PASK: variants seen among roughly 807,000 people sequenced by gnomAD.
PASK encodes the protein PAS domain-containing serine/threonine-protein kinase.
In PASK, 110 loss-of-function variants were observed where a neutral mutation model predicts 121.0. That is an observed-to-expected ratio of 0.91 (90% confidence interval 0.78 to 1.06). The LOEUF is 1.06. Among genes scored for constraint, PASK ranks in the 50% least tolerant of loss-of-function variants. PASK has a pLI of 0.00. For synonymous variants in PASK, 686 were observed against 717.8 expected (o/e 0.96, Z 0.71); for missense variants, 1,643 against 1,702.3 (o/e 0.97, Z 0.61).
At chr2:241,142,136 A>C (rs1203876355) in intron 2 of PASK, among the ~76,000 whole-genome samples, 1 of 151,860 alleles carries the variant, frequency 6.6e-6, no homozygotes, top group African/African-American at 2.4e-5. Flanking sequence ...ACACCCTCAG[A>C]CACTCCAGTG....
intron 12 of PASK, among the ~76,000 whole-genome samples, chr2:241,122,336 G>C (rs2065649168): frequency 6.6e-6 from 1 of 152,202 alleles, no homozygotes; most frequent in Non-Finnish European, 1.5e-5. Flanking sequence ...CAGGTTATTT[G>C]AAAAGATTAA....
At chr2:241,134,719 C>G (rs559227997) in intron 8 of PASK, 18 of 152,456 alleles carry the variant, frequency 1.2e-4, no homozygotes, top group African/African-American at 4.1e-4. Flanking sequence ...TGCAGAGCCC[C>G]GAGGTGGCTG....
intron 12 of PASK, among the ~76,000 whole-genome samples, chr2:241,120,289 T>G (rs1438352389): frequency 6.6e-6 from 1 of 152,096 alleles, no homozygotes; most frequent in Non-Finnish European, 1.5e-5. Context: ...GGTCAGGAGT[T>G]CGAGACCAGC....
At chr2:241,150,301 C>T (rs1045095717), upstream of PASK, 7 of 1,321,758 alleles carry the variant, frequency 5.3e-6, no homozygotes, top group Middle Eastern at 1.2e-3. Flanking sequence ...CCTGAAATTA[C>T]CTGCTCTGGG....
At position 241,141,147 on chromosome 2, in the gene PASK, C is replaced by T. The variant is rs184262088; in HGVS notation, c.197-394G>A. On this transcript the variant is annotated intron_variant, in intron 2 of 17. Transcript: ENST00000234040. ...ATAAAATTTGTAAAAATCAGTTGGG[C>T]ATAGTGGCGTGCCCTTGCAGCCCCA... Among the ~76,000 whole-genome samples, 607 of 152,290 alleles carry T rather than the reference C, an allele frequency of 4.0e-3. 4 individuals carry two copies. Among genetic ancestry groups the T allele is most frequent in the African/African-American group, 0.014 (587 of 41,558 alleles).
chr2:241,142,286 G>A (rs2066736302), intron 2 of PASK, among the ~76,000 whole-genome samples: 1 of 152,158 alleles, frequency 6.6e-6, no homozygotes, highest in South Asian at 2.1e-4. Flanking sequence ...CAAGCACACA[G>A]CCTGCTGTCT....
Position 241,126,336 on chromosome 2 carries a change from G to A in PASK, c.2579C>T (p.Pro860Leu), listed in dbSNP as rs1259126513. The change falls in exon 10 of 18, where the codon CCA (proline) becomes CTA (leucine). Residue 860 changes from proline (P) to leucine (L), a missense_variant. This residue lies in a region of PASK where 1,176 missense variants were observed against 1,162.2 expected (regional missense o/e 1.01). Coordinates refer to ENST00000234040, the MANE Select transcript of PASK (RefSeq NM_015148.4). ...GTTCAGCCTTGGCTCCTCTGCTGAT[G>A]GGCACGTGTCCTCAGGGCCAGCATC... is the stretch of plus-strand genomic sequence containing the variant. ...TLDAGPEDTC[P>L]SAEEPRLNVQ... The A allele has an allele frequency of 1.1e-5, 17 of 1,612,174 alleles. No homozygotes were observed. Among genetic ancestry groups the A allele is most frequent in the Admixed American group, 3.3e-5 (2 of 60,022 alleles).
chr2:241,137,478 C>T (rs928273853), intron 6 of PASK, among the ~76,000 whole-genome samples: 12 of 152,164 alleles, frequency 7.9e-5, no homozygotes, highest in African/African-American at 1.4e-4. Flanking sequence ...TGTCCAGAGC[C>T]GCCCCAGGCA....
Position 241,137,132 on chromosome 2 carries a change from C to G in PASK, c.1009G>C (p.Ala337Pro), listed in dbSNP as rs1428483834. 6.2e-7 allele frequency: 1 copy of G among 1,613,808 alleles called. No homozygotes were observed. The highest frequency in any genetic ancestry group is 8.5e-7 in the Non-Finnish European group (1 of 1,179,948). ...ATGGTGCAGAACACCCAGACAGATG[C>G]CCGGTAGCCGCTCACAGGGGCCGCC... ...GEAAPVSGYR[A>P]SVWVFCTISG... Residue 337 changes from alanine to proline, a missense_variant, in exon 7 of 18, where the codon GCA (alanine) becomes CCA (proline). Around this residue, in one of 3 missense-constraint regions of PASK, gnomAD observed 1,176 missense variants for 1,162.2 expected, o/e 1.01. Coordinates refer to ENST00000234040, the MANE Select transcript of PASK (RefSeq NM_015148.4).
At chr2:241,149,941 G>A, upstream of PASK, 1 of 1,428,696 alleles carries the variant, frequency 7.0e-7, no homozygotes, top group Non-Finnish European at 9.1e-7. Flanking sequence ...AGCGTCAAGA[G>A]AAGGCGGCAT....
rs575167818 is a variant in PASK, at chr2:241,140,411, C to T, written c.429+110G>A. The T allele has an allele frequency of 4.7e-6, 4 of 857,374 alleles. No individual in the cohort carries two copies. In the African/African-American group the frequency reaches 5.0e-5, roughly 11 times the overall value. 53.1% of individuals were successfully genotyped at this position (857,374 alleles called of 1,614,324 possible). ...GGGCTCAAGCAAACTTCCCACCTCC[C>T]GAAGTGCCCAAATGTTTTTCTAATT... On this transcript the variant is annotated intron_variant, in intron 3 of 17. Coordinates refer to ENST00000234040, the MANE Select transcript of PASK (RefSeq NM_015148.4).
chr2:241,138,686 T>C lies in PASK; in HGVS notation c.709A>G (p.Arg237Gly). ...TGGAAAGCGACCCAGGTCGAGACCC[T>C]CTCCACGGGCTCCAGGACCACCACG... ...CCVVVLEPVE[R>G]VSTWVAFQSD... is the part of the protein sequence containing the mutation. The change falls in exon 5 of 18, where the codon AGG becomes GGG. Residue 237 changes from arginine (R) to glycine (G), a missense_variant. By Grantham distance (125) the Arg-to-Gly change is moderately radical (BLOSUM62 -2). This residue lies in a region of PASK where 1,176 missense variants were observed against 1,162.2 expected (regional missense o/e 1.01). Coordinates refer to ENST00000234040, the MANE Select transcript of PASK (RefSeq NM_015148.4). 1.2e-6 allele frequency: 2 copies of C among 1,614,056 alleles called. No individual in the cohort carries two copies. Among genetic ancestry groups the C allele is most frequent in the East Asian group, 4.5e-5 (2 of 44,876 alleles).
At chr2:241,131,250 A>G (rs1575301712) in intron 9 of PASK, among the ~76,000 whole-genome samples, 2 of 151,108 alleles carry the variant, frequency 1.3e-5, no homozygotes, top group South Asian at 2.1e-4. Context: ...CCAGGTTCAC[A>G]CCATTCTCCT....
chr2:241,123,030 C>T (rs2065688483), intron 11 of PASK, 131 bp from the exon 12 acceptor site: 1 of 756,380 alleles, frequency 1.3e-6, no homozygotes, highest in South Asian at 1.8e-5. Context: ...GTCCCCTCTC[C>T]TCCCATGCTC....
rs2066521732 is a variant in PASK, at chr2:241,138,016, C to T, written c.813G>A (p.Gly271=). ...HGYVSGEDVA[G]QHITDLIPSV... ...AAGGGATCAGGTCTGTGATATGCTG[C>T]CCAGCCACGTCCTCCCCAGACACGT... is the stretch of plus-strand genomic sequence containing the variant. The change falls in exon 6 of 18, where the codon GGG becomes GGA. Residue 271 remains glycine (G), a synonymous_variant. Coordinates refer to ENST00000234040, the MANE Select transcript of PASK (RefSeq NM_015148.4). The T allele has an allele frequency of 6.2e-7, 1 of 1,614,154 alleles. No homozygotes were observed. The highest frequency in any genetic ancestry group is 8.5e-7 in the Non-Finnish European group (1 of 1,179,972).
intron 1 of PASK, among the ~76,000 whole-genome samples, chr2:241,147,347 A>G (rs1452416387): frequency 1.3e-5 from 2 of 152,206 alleles, no homozygotes; most frequent in South Asian, 2.1e-4. Flanking sequence ...CAATGTTACA[A>G]AACTATTTTA....
intron 9 of PASK, among the ~76,000 whole-genome samples, chr2:241,128,442 A>G (rs2065974921): frequency 6.6e-6 from 1 of 152,148 alleles, no homozygotes; most frequent in Non-Finnish European, 1.5e-5. Flanking sequence ...GAGCCAAGGG[A>G]CCCAGGCCTC....
rs1181532264 is a variant in PASK at position 241,112,705 on chromosome 2, C to T, written c.3334-266G>A. On this transcript the variant is annotated intron_variant, in intron 14 of 17. Coordinates refer to ENST00000234040, the MANE Select transcript of PASK (RefSeq NM_015148.4). This position sits in a 1 kb window ranked among gnomAD's most constrained non-coding sequence, Gnocchi z 5.2. ...TGAGACTCGTGAGTTCTGTTTGCTG[C>T]TGAGAAAAGCTTCCCAGCAGACACT... 1.4e-5 allele frequency: 6 copies of T among 428,968 alleles called. No individual in the cohort carries two copies. Among genetic ancestry groups the T allele is most frequent in the Non-Finnish European group, 2.6e-5 (6 of 234,576 alleles). The allele number at this position is 428,968 out of a possible 1,614,324, so 26.6% of individuals were successfully genotyped here.
chr2:241,107,037 A>T (rs1413061007), intron 17 of PASK, among the ~76,000 whole-genome samples: 3 of 152,166 alleles, frequency 2.0e-5, no homozygotes, highest in Non-Finnish European at 4.4e-5. Context: ...CCTTCGGCCC[A>T]GTCAGACCAT....
Sources: allele counts gnomAD v4.1 joint callset (sites outside exome capture counted in the v4.1 genomes callset), GRCh38; gene constraint gnomAD v4.1.1; regional missense constraint gnomAD v4.1.1; non-coding constraint Gnocchi (gnomAD v3.1); transcripts MANE v1.5; gene names NCBI Gene and HGNC (gene_info 2026-07-23, HGNC 2026-07-21).